Variants in DCC observed in about 807,000 individuals in gnomAD.
DCC encodes the protein netrin receptor DCC.
A neutral mutation model predicts 172.5 loss-of-function variants in DCC; 58 were observed. The observed-to-expected ratio is 0.34, with a 90% CI of 0.27 to 0.42. The LOEUF is 0.42. Ranked by LOEUF, DCC falls within the 10% of genes least tolerant of loss-of-function variation. The pLI is 1.00. For synonymous variants in DCC, 709 were observed against 644.5 expected (o/e 1.10, Z -1.52); for missense variants, 1,740 against 1,791.0 (o/e 0.97, Z 0.51).
intron 7 of DCC, among the ~76,000 whole-genome samples, chr18:53,095,884 G>T (rs1363703913): frequency 4.0e-5 from 6 of 148,896 alleles, no homozygotes; most frequent in Non-Finnish European, 7.4e-5. Context: ...AGAGTAGGCA[G>T]TCGGTAACTA....
At chr18:52,745,995 GT>G (rs1422529659) in intron 1 of DCC, among the ~76,000 whole-genome samples, 1 of 152,090 alleles carries the variant, frequency 6.6e-6, no homozygotes, top group Non-Finnish European at 1.5e-5. Flanking sequence ...GTTTGTTTTT[GT>G]TTTTTAAATT....
chr18:52,515,650 A>G (rs1261955677), intron 1 of DCC, among the ~76,000 whole-genome samples: 3 of 140,148 alleles, frequency 2.1e-5, no homozygotes, highest in African/African-American at 7.8e-5. Flanking sequence ...ATGTAAAAGA[A>G]TACAAAAAAA....
intron 1 of DCC, among the ~76,000 whole-genome samples, chr18:52,476,115 C>T (rs78165884): frequency 0.011 from 1,616 of 152,280 alleles, 12 homozygotes; most frequent in Non-Finnish European, 0.015. Flanking sequence ...TTACCTACAG[C>T]ACAGGCTCAA....
chr18:53,188,121 C>T (rs1362616338), intron 9 of DCC, among the ~76,000 whole-genome samples: 1 of 152,022 alleles, frequency 6.6e-6, no homozygotes, highest in African/African-American at 2.4e-5. Flanking sequence ...TTCCCGGTGC[C>T]CTGAAACATA....
At chr18:52,832,781 GACCAAGTGGC>G (rs2145298699) in intron 2 of DCC, among the ~76,000 whole-genome samples, 1 of 152,204 alleles carries the variant, frequency 6.6e-6, no homozygotes, top group East Asian at 1.9e-4. Flanking sequence ...TGTAGCTATG[GACCAAGTGGC>G]ACATGTTCAT....
chr18:52,434,102 GA>G (rs1333270634), intron 1 of DCC, among the ~76,000 whole-genome samples: 1 of 151,494 alleles, frequency 6.6e-6, no homozygotes, highest in East Asian at 1.9e-4. Flanking sequence ...AGAAGGGGTT[GA>G]ATAGTTATGT....
At chr18:52,734,859 A>C (rs940823612) in intron 1 of DCC, among the ~76,000 whole-genome samples, 1 of 152,176 alleles carries the variant, frequency 6.6e-6, no homozygotes, top group Non-Finnish European at 1.5e-5. Context: ...TTGTAGGCAT[A>C]GTTCTTAACT....
At chr18:52,765,174 C>T (rs117282020) in intron 2 of DCC, among the ~76,000 whole-genome samples, 1,802 of 149,602 alleles carry the variant, frequency 0.012, 21 homozygotes, top group Non-Finnish European at 0.019. Context: ...TCTGGGATTA[C>T]AGGCATGTGC....
chr18:52,675,310 C>T (rs1298541418), intron 1 of DCC, among the ~76,000 whole-genome samples: 2 of 152,146 alleles, frequency 1.3e-5, no homozygotes, highest in South Asian at 2.1e-4. Flanking sequence ...CTGCCTCGGC[C>T]TCCCAAAATG....
chr18:52,536,482 G>A (rs74741693), intron 1 of DCC, among the ~76,000 whole-genome samples: 4,235 of 152,006 alleles, frequency 0.028, 88 homozygotes, highest in Non-Finnish European at 0.042. Flanking sequence ...TACCAAACTG[G>A]GAGCAAGACA....
At chr18:52,844,357 T>C (rs1011475836) in intron 2 of DCC, among the ~76,000 whole-genome samples, 1 of 152,042 alleles carries the variant, frequency 6.6e-6, no homozygotes, top group Non-Finnish European at 1.5e-5. Flanking sequence ...GATATAGATG[T>C]GAGCTGGGCC....
chr18:52,437,561 T>C (rs766426654), intron 1 of DCC, among the ~76,000 whole-genome samples: 7 of 152,180 alleles, frequency 4.6e-5, no homozygotes, highest in Non-Finnish European at 8.8e-5. Flanking sequence ...TGGTTAAAGA[T>C]AGGGGCGCAT....
intron 23 of DCC, among the ~76,000 whole-genome samples, chr18:53,456,294 C>A (rs945039730): frequency 6.6e-6 from 1 of 152,156 alleles, no homozygotes; most frequent in African/African-American, 2.4e-5. Context: ...AGCACCAGCA[C>A]CTGACCATGC....
intron 1 of DCC, among the ~76,000 whole-genome samples, chr18:52,610,786 G>T (rs938318041): frequency 6.6e-6 from 1 of 152,038 alleles, no homozygotes; most frequent in African/African-American, 2.4e-5. Context: ...CTTACATTTA[G>T]ATTTCATATA....
intron 1 of DCC, among the ~76,000 whole-genome samples, chr18:52,415,530 T>G (rs1299421752): frequency 3.3e-5 from 5 of 152,074 alleles, no homozygotes; most frequent in Non-Finnish European, 7.4e-5. Context: ...CTCAAGGAGT[T>G]TGTAATCTAG....
At chr18:53,009,835 T>C (rs9963316) in intron 5 of DCC, among the ~76,000 whole-genome samples, 27,920 of 151,854 alleles carry the variant, frequency 0.18, 3,024 homozygotes, top group African/African-American at 0.31. Flanking sequence ...GCTAACTCAA[T>C]TGGAAAACCT....
chr18:52,732,460 T>C (rs1325323386), intron 1 of DCC, among the ~76,000 whole-genome samples: 1 of 152,176 alleles, frequency 6.6e-6, no homozygotes. Flanking sequence ...ACTTCATTTA[T>C]TGTTTATTTA....
intron 18 of DCC, among the ~76,000 whole-genome samples, chr18:53,398,303 T>C (rs1909082231): frequency 6.6e-6 from 1 of 152,206 alleles, no homozygotes; most frequent in Admixed American, 6.5e-5. Flanking sequence ...ACTCCAACTA[T>C]TATTTTAACT....
At chr18:52,693,081 T>C (rs2035955814) in intron 1 of DCC, among the ~76,000 whole-genome samples, 1 of 151,996 alleles carries the variant, frequency 6.6e-6, no homozygotes, top group East Asian at 1.9e-4. Flanking sequence ...ATGGCTGGTG[T>C]GTGGGGAGTC....
Sources: allele counts gnomAD v4.1 joint callset (sites outside exome capture counted in the v4.1 genomes callset), GRCh38; gene constraint gnomAD v4.1.1; transcripts MANE v1.5; gene names NCBI Gene and HGNC (gene_info 2026-07-23, HGNC 2026-07-21).